Variants in SIL1 observed in about 807,000 individuals in gnomAD.
SIL1 encodes SIL1 nucleotide exchange factor.
In SIL1, 40 loss-of-function variants were observed where a neutral mutation model predicts 49.1. The ratio of observed to expected loss-of-function variants is 0.81; its 90% CI spans 0.63 to 1.06. The LOEUF (loss-of-function observed/expected upper bound fraction) is 1.06. Ranked by LOEUF, SIL1 falls within the 50% of genes least tolerant of loss-of-function variation. The pLI, the probability that SIL1 is intolerant of heterozygous loss-of-function variation, is 0.00. For missense variants in SIL1, 500 were observed against 572.6 expected (o/e 0.87, Z 1.29); for synonymous variants, 253 against 250.8 (o/e 1.01, Z -0.08).
chr5:139,109,781 T>TTTTC (rs1491284384), intron 3 of SIL1, among the ~76,000 whole-genome samples: 7 of 49,546 alleles, frequency 1.4e-4, no homozygotes, highest in African/African-American at 4.6e-4. Flanking sequence ...CCCCTCTGTC[T>TTTTC]TTTTTTTTTT....
chr5:139,136,433 T>C (rs1048091584), intron 1 of SIL1, among the ~76,000 whole-genome samples: 2 of 152,182 alleles, frequency 1.3e-5, no homozygotes, highest in Non-Finnish European at 2.9e-5. Context: ...AGAGCGACTA[T>C]CTTTCTAGGG....
chr5:138,970,875 G>A (rs1027332650), intron 7 of SIL1, among the ~76,000 whole-genome samples: 11 of 151,452 alleles, frequency 7.3e-5, no homozygotes, highest in East Asian at 3.9e-4. Context: ...CCAAGATTGC[G>A]CCACTGCACT....
intron 5 of SIL1, among the ~76,000 whole-genome samples, chr5:139,032,493 T>C (rs1247528664): frequency 6.6e-6 from 1 of 152,224 alleles, no homozygotes. Flanking sequence ...AGGATTTTTG[T>C]TTCCATGTTC....
At chr5:138,949,798 CAA>C (rs5871689) in intron 9 of SIL1, among the ~76,000 whole-genome samples, 23 of 83,320 alleles carry the variant, frequency 2.8e-4, no homozygotes, top group East Asian at 4.3e-4. Flanking sequence ...GACCCTGTCT[CAA>C]AAAAAAAAAA....
rs760613602 is a variant in SIL1, at chr5:139,122,492, G to A, written c.106-1319C>T. ...TGTCTGTAGTCCCAGCTACTTGGGCGGCTGAGGCAACAGGATCGTTAGAGC... is the reference window on the plus strand; with the variant it reads ...TGTCTGTAGTCCCAGCTACTTGGGCAGCTGAGGCAACAGGATCGTTAGAGC... On this transcript the variant is annotated intron_variant, in intron 2 of 9. Transcript: ENST00000394817. 1.2e-4 allele frequency among the ~76,000 whole-genome samples: 18 copies of A among 151,978 alleles called. 1 individual carries two copies. The highest frequency in any genetic ancestry group is 3.9e-4 in the East Asian group (2 of 5,190).
At chr5:139,137,145 T>C (rs981383668) in intron 1 of SIL1, among the ~76,000 whole-genome samples, 4 of 152,218 alleles carry the variant, frequency 2.6e-5, no homozygotes, top group African/African-American at 9.6e-5. Context: ...AAATATACTA[T>C]CTGGGCATCC....
At chr5:139,081,066 C>A (rs1440820016) in intron 3 of SIL1, among the ~76,000 whole-genome samples, 1 of 152,178 alleles carries the variant, frequency 6.6e-6, no homozygotes, top group African/African-American at 2.4e-5. Context: ...CCACTGTTAT[C>A]GCAATATGGC....
chr5:139,143,310 C>CATGTGTATAT (rs1751122196), intron 1 of SIL1, among the ~76,000 whole-genome samples: 2 of 52,854 alleles, frequency 3.8e-5, no homozygotes, highest in South Asian at 6.3e-4. Flanking sequence ...CATATATACA[C>CATGTGTATAT]ACACACACAC....
intron 7 of SIL1, among the ~76,000 whole-genome samples, chr5:139,019,480 G>C (rs1456004878): frequency 6.6e-6 from 1 of 152,112 alleles, no homozygotes; most frequent in Admixed American, 6.5e-5. Context: ...GAATACAGCA[G>C]TTTGCTTGCC....
chr5:139,164,901 A>G (rs974405818), intron 1 of SIL1, among the ~76,000 whole-genome samples: 2 of 152,196 alleles, frequency 1.3e-5, no homozygotes, highest in African/African-American at 2.4e-5. Context: ...TTACTTTCCA[A>G]TCTGACTCTG....
intron 1 of SIL1, among the ~76,000 whole-genome samples, chr5:139,150,907 G>A (rs1046877107): frequency 2.6e-5 from 4 of 152,102 alleles, no homozygotes; most frequent in Admixed American, 6.5e-5. Flanking sequence ...CACAGTGCAC[G>A]GAGACATACC....
At chr5:139,091,371 A>C (rs1448619571) in intron 3 of SIL1, among the ~76,000 whole-genome samples, 1 of 152,156 alleles carries the variant, frequency 6.6e-6, no homozygotes, top group African/African-American at 2.4e-5. Flanking sequence ...GGAGAAAAAG[A>C]CCAAAAACAC....
intron 3 of SIL1, 101 bp downstream of exon 3, chr5:139,120,934 G>T: frequency 1.4e-6 from 2 of 1,459,866 alleles, no homozygotes; most frequent in Non-Finnish European, 1.9e-6. Flanking sequence ...CCTCCCGCAG[G>T]CCAGAGAAGA....
chr5:139,044,380 A>G (rs1464159483), intron 4 of SIL1, among the ~76,000 whole-genome samples: 2 of 152,042 alleles, frequency 1.3e-5, no homozygotes, highest in African/African-American at 4.8e-5. Flanking sequence ...GACTAATCCC[A>G]TTATTCCGTG....
chr5:139,008,157 A>C (rs1167063105), intron 7 of SIL1, among the ~76,000 whole-genome samples: 2,766 of 150,688 alleles, frequency 0.018, 82 homozygotes, highest in African/African-American at 0.065. Flanking sequence ...TTGGTCTATT[A>C]AGAGATTCAA....
At position 138,948,960 on chromosome 5, in the gene SIL1, G is replaced by A. The variant is rs1456326705; in HGVS notation, c.1030-1487C>T. ...TCCCGCCAGATGCACCCACCCAATC[G>A]TGGATTTCCCAGCCTCCCGAATCAT... On this transcript the variant is annotated intron_variant, in intron 9 of 9. Coordinates refer to ENST00000394817, the MANE Select transcript of SIL1 (RefSeq NM_022464.5). The surrounding 1 kb of genome is among the most constrained non-coding windows in gnomAD (Gnocchi z 4.8). 1.3e-5 allele frequency among the ~76,000 whole-genome samples: 2 copies of A among 152,170 alleles called. No individual in the cohort carries two copies. The highest frequency in any genetic ancestry group is 2.9e-5 in the Non-Finnish European group (2 of 68,018).
chr5:138,949,786 G>T, intron 9 of SIL1, among the ~76,000 whole-genome samples: 1 of 123,436 alleles, frequency 8.1e-6, no homozygotes, highest in African/African-American at 3.1e-5. Flanking sequence ...GTGACAGAGA[G>T]AGACCCTGTC....
At chr5:139,081,673 G>A (rs541330981) in intron 3 of SIL1, among the ~76,000 whole-genome samples, 1 of 152,088 alleles carries the variant, frequency 6.6e-6, no homozygotes, top group Non-Finnish European at 1.5e-5. Flanking sequence ...GAGGTCAGGA[G>A]TTTGAGACCA....
chr5:139,028,194 G>T (rs1352593023), intron 5 of SIL1, among the ~76,000 whole-genome samples: 3 of 150,068 alleles, frequency 2.0e-5, no homozygotes, highest in East Asian at 1.9e-4. Context: ...TCTCAAGAAG[G>T]CCTCAAAAAA....
Sources: allele counts gnomAD v4.1 joint callset (sites outside exome capture counted in the v4.1 genomes callset), GRCh38; gene constraint gnomAD v4.1.1; non-coding constraint Gnocchi (gnomAD v3.1); transcripts MANE v1.5; gene names NCBI Gene and HGNC (gene_info 2026-07-23, HGNC 2026-07-21).